PRSS12: variants seen among roughly 807,000 people sequenced by gnomAD.
PRSS12 encodes neurotrypsin.
Under a neutral mutation model 104.4 loss-of-function variants are expected in PRSS12, and 85 were observed. That is an observed-to-expected ratio of 0.81 (90% CI 0.68 to 0.98). The LOEUF (loss-of-function observed/expected upper bound fraction) is 0.98. PRSS12 is among the 50% of genes least tolerant of loss of function. The pLI is 0.00. For missense variants in PRSS12, 1,141 were observed against 1,139.2 expected (o/e 1.00, Z -0.02); for synonymous variants, 454 against 425.2 (o/e 1.07, Z -0.83).
intron 11 of PRSS12, among the ~76,000 whole-genome samples, chr4:118,283,949 TTAAG>T (rs1453646021): frequency 2.0e-5 from 3 of 151,984 alleles, no homozygotes; most frequent in Non-Finnish European, 1.5e-5. Flanking sequence ...AAAAAATTGA[TTAAG>T]TTAGTGAATG....
At chr4:118,287,391 C>G (rs1743038282) in intron 11 of PRSS12, among the ~76,000 whole-genome samples, 1 of 152,216 alleles carries the variant, frequency 6.6e-6, no homozygotes, top group Admixed American at 6.5e-5. Context: ...CTCAAGCGAT[C>G]TGCCTGCCTT....
chr4:118,338,996 C>A (rs1442103574), intron 1 of PRSS12, among the ~76,000 whole-genome samples: 5 of 152,208 alleles, frequency 3.3e-5, no homozygotes, highest in African/African-American at 1.2e-4. Context: ...GGAAACTCAC[C>A]TCCTCTAATA....
intron 8 of PRSS12, chr4:118,303,206 ATGAAAAT>A (rs1453263542): frequency 6.6e-6 from 1 of 152,140 alleles, no homozygotes; most frequent in Non-Finnish European, 1.5e-5. Flanking sequence ...CTGAGAAAAG[ATGAAAAT>A]TGAAAATTGA....
chr4:118,322,893 T>G (rs76739002), intron 4 of PRSS12, among the ~76,000 whole-genome samples: 2,573 of 151,760 alleles, frequency 0.017, 60 homozygotes, highest in East Asian at 0.085. Context: ...AGCCGAGTGG[T>G]TTTTCAATTT....
intron 9 of PRSS12, among the ~76,000 whole-genome samples, chr4:118,298,248 C>CAT (rs961789442): frequency 2.6e-4 from 39 of 151,870 alleles, no homozygotes; most frequent in Admixed American, 2.4e-3. Context: ...TATCATTTTC[C>CAT]TTAAATTTTT....
chr4:118,352,926 C>T lies in PRSS12; in HGVS notation c.-206G>A. ...CTCGGCTCCTGTCCCCTGGCGGCGGCCGCGGGTGGGGAAATCTGGAGCTCA... is the reference window on the plus strand; with the variant it reads ...CTCGGCTCCTGTCCCCTGGCGGCGGTCGCGGGTGGGGAAATCTGGAGCTCA... On this transcript the variant is annotated 5_prime_UTR_variant, in exon 1 of 13. Coordinates refer to ENST00000296498, the MANE Select transcript of PRSS12 (RefSeq NM_003619.4). 7.6e-6 allele frequency: 10 copies of T among 1,314,324 alleles called. No individual in the cohort carries two copies. The highest frequency in any genetic ancestry group is 9.8e-6 in the Non-Finnish European group (10 of 1,016,352). 81.4% of individuals were successfully genotyped at this position (1,314,324 alleles called of 1,614,324 possible).
At position 118,280,668 on chromosome 4, in the gene PRSS12, G is replaced by T. The variant is rs1281194248; in HGVS notation, c.*1268C>A. The T allele has an allele frequency of 1.3e-5, 2 of 152,240 alleles. No homozygotes were observed. Among genetic ancestry groups the T allele is most frequent in the Admixed American group, 1.3e-4 (2 of 15,282 alleles). The allele number at this position is 152,240 out of a possible 1,614,324, so 9.4% of individuals were successfully genotyped here. On this transcript the variant is annotated 3_prime_UTR_variant, in exon 13 of 13. Transcript: ENST00000296498. ...TCCATGACATGGAAGTATCTTGAGT[G>T]TGCCTTTTAAATTTGAGCATTACTG...
intron 8 of PRSS12, among the ~76,000 whole-genome samples, chr4:118,307,001 A>G (rs898005305): frequency 1.3e-5 from 2 of 152,168 alleles, no homozygotes; most frequent in African/African-American, 4.8e-5. Flanking sequence ...TCAAAGAGCA[A>G]TATCTTTTAA....
intron 11 of PRSS12, among the ~76,000 whole-genome samples, chr4:118,289,092 A>C (rs531236031): frequency 6.6e-6 from 1 of 152,316 alleles, no homozygotes; most frequent in Admixed American, 6.5e-5. Flanking sequence ...GGCTAGCGGC[A>C]TTATGGCATT....
intron 10 of PRSS12, 24 bp downstream of exon 10, chr4:118,295,754 A>T (rs1743237962): frequency 6.3e-7 from 1 of 1,588,182 alleles, no homozygotes; most frequent in Non-Finnish European, 8.6e-7. Flanking sequence ...TAATATAAAA[A>T]ATCTCTTTTG....
At chr4:118,332,382 A>G (rs1266768231) in intron 3 of PRSS12, among the ~76,000 whole-genome samples, 1 of 152,182 alleles carries the variant, frequency 6.6e-6, no homozygotes, top group Non-Finnish European at 1.5e-5. Context: ...CAGTACCTCA[A>G]CAGAACAATA....
At position 118,280,849 on chromosome 4, in the gene PRSS12, CTT is replaced by C. The variant is rs1206222963; in HGVS notation, c.*1085_*1086del. 2 of 152,196 alleles carry C rather than the reference CTT, an allele frequency of 1.3e-5. No individual in the cohort carries two copies. The highest frequency in any genetic ancestry group is 2.9e-5 in the Non-Finnish European group (2 of 68,032). The allele number at this position is 152,196 out of a possible 1,614,324, so 9.4% of individuals were successfully genotyped here. A position where few individuals can be genotyped will look rare whatever the true frequency, so the allele number is the denominator to read the frequency against. ...GAATCAGTTTCACCAACTGGTCTCA[CTT>C]TGAGGCAAGCCTGTTTTCCCCCATT... On this transcript the variant is annotated 3_prime_UTR_variant, in exon 13 of 13. Transcript: ENST00000296498.
intron 4 of PRSS12, among the ~76,000 whole-genome samples, chr4:118,319,324 T>TC (rs1723546060): frequency 6.6e-6 from 1 of 152,074 alleles, no homozygotes; most frequent in Non-Finnish European, 1.5e-5. Context: ...TGCTTCAGCC[T>TC]CCAAAAGTGC....
chr4:118,346,030 G>A (rs1458163259), intron 1 of PRSS12, among the ~76,000 whole-genome samples: 1 of 152,192 alleles, frequency 6.6e-6, no homozygotes, highest in Admixed American at 6.5e-5. Flanking sequence ...AAGTCTGTGG[G>A]GGAAATTCCA....
At position 118,347,549 on chromosome 4, in the gene PRSS12, T is replaced by C. The variant is rs575427804; in HGVS notation, c.502+4670A>G. Among the ~76,000 whole-genome samples the C allele has an allele frequency of 5.9e-5, 9 of 152,302 alleles. No individual in the cohort carries two copies. The South Asian group carries it at 1.2e-3, about 21-fold the overall frequency. On this transcript the variant is annotated intron_variant, in intron 1 of 12. Coordinates refer to ENST00000296498, the MANE Select transcript of PRSS12 (RefSeq NM_003619.4). ...CCTCTCAATCATCAGCCACCTATGG[T>C]TGGCTTGTAAAAAAGGGAGGCTCTC... is the stretch of plus-strand genomic sequence containing the variant.
chr4:118,280,282 A>G lies in PRSS12; in HGVS notation c.*1654T>C, dbSNP rs1208103870. The G allele has an allele frequency of 6.6e-6, 1 of 152,188 alleles. No individual in the cohort carries two copies. The highest frequency in any genetic ancestry group is 1.5e-5 in the Non-Finnish European group (1 of 68,036). The allele number at this position is 152,188 out of a possible 1,614,324, so 9.4% of individuals were successfully genotyped here. A position where few individuals can be genotyped will look rare whatever the true frequency, so the allele number is the denominator to read the frequency against. ...AGCCTGTGAGAAAGTTTCAATAGAC[A>G]TTTTTCTCACCTATATTGCACGTTT... is the stretch of plus-strand genomic sequence containing the variant. On this transcript the variant is annotated 3_prime_UTR_variant, in exon 13 of 13. Transcript: ENST00000296498.
Position 118,338,223 on chromosome 4 carries a change from G to T in PRSS12, c.594C>A (p.His198Gln), listed in dbSNP as rs755283977. The change falls in exon 2 of 13, where the codon CAC becomes CAA. Residue 198 changes from histidine to glutamine, a missense_variant. By Grantham distance (24) the His-to-Gln change is conservative. Coordinates refer to ENST00000296498, the MANE Select transcript of PRSS12 (RefSeq NM_003619.4). ...SGVWGTVCSS[H>Q]WDDSDASVIC... is the part of the protein sequence containing the mutation. ...TGACTGATGCATCAGAATCATCCCAGTGGCTGCTACAGACAGTGCCCCAAA... is the reference window on the plus strand; with the variant it reads ...TGACTGATGCATCAGAATCATCCCATTGGCTGCTACAGACAGTGCCCCAAA... 2 of 1,614,022 alleles carry T rather than the reference G, an allele frequency of 1.2e-6. No homozygotes were observed. The highest frequency in any genetic ancestry group is 1.7e-6 in the Non-Finnish European group (2 of 1,179,940).
At chr4:118,295,102 C>CA (rs1269315973) in intron 10 of PRSS12, 41 bp from the exon 11 acceptor site, 2 of 1,601,164 alleles carry the variant, frequency 1.2e-6, no homozygotes. Flanking sequence ...CAGTAAAAGG[C>CA]AAAAAAGCAA....
At chr4:118,299,813 A>AAAAT (rs1743362030) in intron 8 of PRSS12, among the ~76,000 whole-genome samples, 7 of 95,074 alleles carry the variant, frequency 7.4e-5, no homozygotes, top group African/African-American at 2.7e-4. Flanking sequence ...TAAAATAAAT[A>AAAAT]AAATAAAATA....
Sources: gnomAD v4.1 joint callset for allele counts (sites outside exome capture counted in the v4.1 genomes callset) on GRCh38, gnomAD v4.1.1 for gene constraint, MANE v1.5 for transcripts, NCBI Gene and HGNC (gene_info 2026-07-23, HGNC 2026-07-21) for gene names.